Variants in ONECUT1 observed in about 807,000 individuals in gnomAD.
The protein encoded by ONECUT1 is hepatocyte nuclear factor 6.
In ONECUT1, 12 loss-of-function variants were observed where a neutral mutation model predicts 25.6. The observed-to-expected ratio is 0.47, with a 90% confidence interval of 0.30 to 0.76. The LOEUF (loss-of-function observed/expected upper bound fraction) is 0.76. Among genes scored for constraint, ONECUT1 ranks in the 30% least tolerant of loss-of-function variants. The pLI, the probability that ONECUT1 is intolerant of heterozygous loss-of-function variation, is 0.07. For missense variants in ONECUT1, 620 were observed against 651.2 expected, an observed-to-expected ratio of 0.95 and a Z score of 0.52; for synonymous variants, 285 against 270.2, an observed-to-expected ratio of 1.05 and a Z score of -0.54.
In ONECUT1 at chr15:52,788,422, C is replaced by T. The variant is rs1432261910; in HGVS notation, c.1105+358G>A. The T allele has an allele frequency of 1.7e-5, 4 of 241,536 alleles. No homozygotes were observed. The highest frequency in any genetic ancestry group is 8.8e-5 in the African/African-American group (4 of 45,272). The allele number at this position is 241,536 out of a possible 1,614,324, so 15.0% of individuals were successfully genotyped here. ...CACGCGTTGCATCCCTCTTCCCAAA[C>T]CCGGATCGCTGAACTGAGAGGTGGC... On this transcript the variant is annotated intron_variant, in intron 1 of 1. Transcript: ENST00000305901. This position sits in a 1 kb window ranked among gnomAD's most constrained non-coding sequence, Gnocchi z 4.3.
chr15:52,786,306 G>A (rs944339423), intron 1 of ONECUT1, among the ~76,000 whole-genome samples: 2 of 152,336 alleles, frequency 1.3e-5, no homozygotes, highest in Non-Finnish European at 1.5e-5. Context: ...TTCCTTGCAG[G>A]AGACCCTCCT....
intron 1 of ONECUT1, among the ~76,000 whole-genome samples, chr15:52,764,903 T>A (rs1369262723): frequency 6.6e-6 from 1 of 152,166 alleles, no homozygotes; most frequent in African/African-American, 2.4e-5. Flanking sequence ...AAGAGAAACG[T>A]CCAGGCGGCC....
intron 1 of ONECUT1, among the ~76,000 whole-genome samples, chr15:52,778,439 T>G (rs891199998): frequency 1.3e-5 from 2 of 152,244 alleles, no homozygotes; most frequent in African/African-American, 4.8e-5. Context: ...CTATAATATA[T>G]GCCAAAGGGT....
chr15:52,790,072 T>C lies in ONECUT1; in HGVS notation c.-188A>G, dbSNP rs959078175. 13 of 713,872 alleles carry C rather than the reference T, an allele frequency of 1.8e-5. No individual in the cohort carries two copies. The highest frequency in any genetic ancestry group is 5.5e-5 in the South Asian group (1 of 18,044). The allele number at this position is 713,872 out of a possible 1,614,324, so 44.2% of individuals were successfully genotyped here. The stretch of plus-strand genomic sequence containing the variant: ...GTGTCCGTGTGTGCGTGTGCGTGTG[T>C]GTGTGTGTGTGTGTCTCGCCTTCCC... On this transcript the variant is annotated 5_prime_UTR_variant, in exon 1 of 2. Coordinates refer to ENST00000305901, the MANE Select transcript of ONECUT1 (RefSeq NM_004498.4).
intron 1 of ONECUT1, chr15:52,787,198 T>TC (rs1247375295): frequency 1.3e-5 from 2 of 152,180 alleles, no homozygotes; most frequent in Admixed American, 6.5e-5. Context: ...CCTGACTGGT[T>TC]CCCGGGCGCA....
intron 1 of ONECUT1, among the ~76,000 whole-genome samples, chr15:52,776,216 A>G (rs1437881970): frequency 6.6e-6 from 1 of 152,236 alleles, no homozygotes; most frequent in African/African-American, 2.4e-5. Context: ...TACAGAAGCC[A>G]GAGAGCCCAC....
chr15:52,783,218 G>A (rs1386939904), intron 1 of ONECUT1, among the ~76,000 whole-genome samples: 1 of 152,160 alleles, frequency 6.6e-6, no homozygotes, highest in Non-Finnish European at 1.5e-5. Context: ...CACACCCACA[G>A]GGACGCGAAT....
chr15:52,781,425 T>G (rs1366655636), intron 1 of ONECUT1, among the ~76,000 whole-genome samples: 1 of 152,248 alleles, frequency 6.6e-6, no homozygotes, highest in Admixed American at 6.5e-5. Context: ...AGACACACTT[T>G]CTCTAATTTC....
rs1428763469 is a variant in ONECUT1 at position 52,789,781 on chromosome 15, C to T, written c.104G>A (p.Arg35His). 4.2e-6 allele frequency: 6 copies of T among 1,438,560 alleles called. No individual in the cohort carries two copies. The highest frequency in any genetic ancestry group is 2.9e-5 in the Admixed American group (1 of 33,932). 89.1% of individuals were successfully genotyped at this position (1,438,560 alleles called of 1,614,324 possible). ...ADLLGGSPHARSSVAHRGSHL... is the reference protein window; with the variant it reads ...ADLLGGSPHAHSSVAHRGSHL... Reference sequence around the variant, plus strand: ...GCTGCCGCGGTGCGCCACGGAGCTGCGCGCGTGGGGGCTGCCGCCCAGCAG... The same window carrying T: ...GCTGCCGCGGTGCGCCACGGAGCTGTGCGCGTGGGGGCTGCCGCCCAGCAG... The change falls in exon 1 of 2, where the codon CGC becomes CAC. Residue 35 changes from arginine to histidine, a missense_variant. Around this residue, in one of 4 missense-constraint regions of ONECUT1, gnomAD observed 440 missense variants for 404.9 expected, o/e 1.09. Coordinates refer to ENST00000305901, the MANE Select transcript of ONECUT1 (RefSeq NM_004498.4). The surrounding 1 kb of genome is among the most constrained non-coding windows in gnomAD (Gnocchi z 4.1).
chr15:52,790,012 G>A lies in ONECUT1; in HGVS notation c.-128C>T. ...TTGCCTTCCTTCCTCTCACTGTGGGGCTCTGTCTCTCTCTCTCTCTCTCTC... is the reference window on the plus strand; with the variant it reads ...TTGCCTTCCTTCCTCTCACTGTGGGACTCTGTCTCTCTCTCTCTCTCTCTC... On this transcript the variant is annotated 5_prime_UTR_variant, in exon 1 of 2. Transcript: ENST00000305901. 1 of 1,348,316 alleles carries A rather than the reference G, an allele frequency of 7.4e-7. No homozygotes were observed. Among genetic ancestry groups the A allele is most frequent in the Admixed American group, 3.4e-5 (1 of 29,308 alleles). 83.5% of individuals were successfully genotyped at this position (1,348,316 alleles called of 1,614,324 possible). A position where few individuals can be genotyped will look rare whatever the true frequency, so the allele number is the denominator to read the frequency against.
chr15:52,789,250 A>T lies in ONECUT1; in HGVS notation c.635T>A (p.Met212Lys). The T allele has an allele frequency of 6.5e-7, 1 of 1,548,144 alleles. No individual in the cohort carries two copies. The highest frequency in any genetic ancestry group is 8.7e-7 in the Non-Finnish European group (1 of 1,147,924). The change falls in exon 1 of 2, where the codon ATG becomes AAG. Residue 212 changes from methionine (M) to lysine (K), a missense_variant. Physicochemically the swap from Met to Lys is moderately conservative, Grantham distance 95 (BLOSUM62 -1). Around this residue, in one of 4 missense-constraint regions of ONECUT1, gnomAD observed 440 missense variants for 404.9 expected, o/e 1.09. Coordinates refer to ENST00000305901, the MANE Select transcript of ONECUT1 (RefSeq NM_004498.4). The surrounding 1 kb of genome is among the most constrained non-coding windows in gnomAD (Gnocchi z 4.1). ...HPGAAMPTDK[M>K]LTPNGFEAHH... ...GGCTTCGAAGCCGTTGGGGGTGAGC[A>T]TCTTGTCGGTGGGCATGGCGGCCCC... is the stretch of plus-strand genomic sequence containing the variant.
At chr15:52,778,920 T>C (rs2083821498) in intron 1 of ONECUT1, among the ~76,000 whole-genome samples, 1 of 152,126 alleles carries the variant, frequency 6.6e-6, no homozygotes, top group African/African-American at 2.4e-5. Context: ...GTTAAATTAC[T>C]TGACAATGTC....
intron 1 of ONECUT1, among the ~76,000 whole-genome samples, chr15:52,773,244 A>AGAGAAAG (rs2083779574): frequency 6.7e-6 from 1 of 150,366 alleles, no homozygotes; most frequent in African/African-American, 2.4e-5. Context: ...GAGAGAGAGA[A>AGAGAAAG]AGAGAGAGAG....
At chr15:52,764,045 T>C (rs1460370451) in intron 1 of ONECUT1, among the ~76,000 whole-genome samples, 1 of 152,226 alleles carries the variant, frequency 6.6e-6, no homozygotes, top group Non-Finnish European at 1.5e-5. Flanking sequence ...TTAGGATCAG[T>C]TGTCACTCAA....
At position 52,789,086 on chromosome 15, in the gene ONECUT1, T is replaced by G. The variant is rs1342233731; in HGVS notation, c.799A>C (p.Thr267Pro). The change falls in exon 1 of 2, where the codon ACA (threonine) becomes CCA (proline). Residue 267 changes from threonine (T) to proline (P), a missense_variant. Transcript: ENST00000305901. The surrounding 1 kb of genome is among the most constrained non-coding windows in gnomAD (Gnocchi z 4.1). ...NAQGHGQLLG[T>P]AREPNPSVTG... ...ACCGAAGGGTTGGGCTCCCGGGCTGTGCCCAGGAGTTGCCCGTGGCCCTGG... is the reference window on the plus strand; with the variant it reads ...ACCGAAGGGTTGGGCTCCCGGGCTGGGCCCAGGAGTTGCCCGTGGCCCTGG... 1.2e-6 allele frequency: 2 copies of G among 1,601,886 alleles called. No individual in the cohort carries two copies. The highest frequency in any genetic ancestry group is 1.3e-5 in the African/African-American group (1 of 75,058).
intron 1 of ONECUT1, among the ~76,000 whole-genome samples, chr15:52,785,455 A>C (rs1367141174): frequency 6.6e-6 from 1 of 152,128 alleles, no homozygotes; most frequent in South Asian, 2.1e-4. Context: ...CCTCGCCTCC[A>C]AGTCCCGCAG....
rs998005763 is a variant in ONECUT1 at position 52,784,126 on chromosome 15, C to T, written c.1105+4654G>A. On this transcript the variant is annotated intron_variant, in intron 1 of 1. Transcript: ENST00000305901. The surrounding 1 kb of genome is among the most constrained non-coding windows in gnomAD (Gnocchi z 5.0). ...CGCAGCCGCAGCACAGCCCGGCTAC[C>T]CCCAGAAAGGGAGCCGAATGGAGGG... 2.0e-5 allele frequency among the ~76,000 whole-genome samples: 3 copies of T among 152,182 alleles called. No individual in the cohort carries two copies. Among genetic ancestry groups the T allele is most frequent in the African/African-American group, 4.8e-5 (2 of 41,446 alleles).
At chr15:52,778,710 C>T (rs1337809996) in intron 1 of ONECUT1, among the ~76,000 whole-genome samples, 1 of 152,168 alleles carries the variant, frequency 6.6e-6, no homozygotes, top group East Asian at 1.9e-4. Context: ...GGGACTGGCC[C>T]CCTGAGGCTT....
rs961850619 is a variant in ONECUT1, at chr15:52,761,468, C to A, written c.1106-3621G>T. The stretch of plus-strand genomic sequence containing the variant: ...GGCAGATTACTTGAGGTCAGGAGTT[C>A]GAGACCAACCTGGCCAACATGGTGA... On this transcript the variant is annotated intron_variant, in intron 1 of 1. Coordinates refer to ENST00000305901, the MANE Select transcript of ONECUT1 (RefSeq NM_004498.4). 1.3e-5 allele frequency among the ~76,000 whole-genome samples: 2 copies of A among 152,080 alleles called. 1 individual carries two copies. Among genetic ancestry groups the A allele is most frequent in the South Asian group, 4.1e-4 (2 of 4,830 alleles).
Sources: allele counts gnomAD v4.1 joint callset (sites outside exome capture counted in the v4.1 genomes callset), GRCh38; gene constraint gnomAD v4.1.1; regional missense constraint gnomAD v4.1.1; non-coding constraint Gnocchi (gnomAD v3.1); transcripts MANE v1.5; gene names NCBI Gene and HGNC (gene_info 2026-07-23, HGNC 2026-07-21).